IGSF21: variants seen among roughly 807,000 people sequenced by gnomAD.
IGSF21 encodes the protein immunoglobulin superfamily member 21.
Under a neutral mutation model 46.8 loss-of-function variants are expected in IGSF21, and 28 were observed. The observed-to-expected ratio is 0.60, with a 90% confidence interval of 0.44 to 0.82. The LOEUF (loss-of-function observed/expected upper bound fraction) is 0.82, where lower values mean the gene tolerates loss of function less well. IGSF21 is among the 40% of genes least tolerant of loss of function. The pLI, the probability that IGSF21 is intolerant of heterozygous loss-of-function variation, is 0.00. For synonymous variants in IGSF21, 284 were observed against 273.6 expected, an observed-to-expected ratio of 1.04 and a Z score of -0.38; for missense variants, 624 against 665.5, an observed-to-expected ratio of 0.94 and a Z score of 0.69.
intron 2 of IGSF21, among the ~76,000 whole-genome samples, chr1:18,287,584 A>G (rs1226588377): frequency 1.3e-5 from 2 of 152,170 alleles, no homozygotes; most frequent in African/African-American, 4.8e-5. Flanking sequence ...ACACATCCAC[A>G]GGGCTTGGCT....
chr1:18,155,776 C>G (rs1422319788), intron 1 of IGSF21, among the ~76,000 whole-genome samples: 5 of 152,222 alleles, frequency 3.3e-5, no homozygotes, highest in Non-Finnish European at 1.5e-5. Flanking sequence ...GCCAGCACCC[C>G]ACTCTGTTGA....
intron 6 of IGSF21, among the ~76,000 whole-genome samples, chr1:18,367,516 AG>A: frequency 6.6e-6 from 1 of 151,130 alleles, no homozygotes; most frequent in Non-Finnish European, 1.5e-5. Context: ...TGAACTCACC[AG>A]CCCCAGGATG....
At chr1:18,300,846 G>T (rs933349051) in intron 3 of IGSF21, among the ~76,000 whole-genome samples, 1 of 152,092 alleles carries the variant, frequency 6.6e-6, no homozygotes, top group East Asian at 1.9e-4. Flanking sequence ...CCCTTTGTCA[G>T]GTCCCAGAGC....
intron 2 of IGSF21, among the ~76,000 whole-genome samples, chr1:18,232,263 C>G (rs1380573686): frequency 6.9e-6 from 1 of 145,838 alleles, no homozygotes; most frequent in Non-Finnish European, 1.5e-5. Context: ...CAGTAGGAGG[C>G]TGTCAGCTAA....
Position 18,290,972 on chromosome 1 carries a change from A to T in IGSF21, c.184-894A>T, listed in dbSNP as rs1007831905. On this transcript the variant is annotated intron_variant, in intron 2 of 9. Transcript: ENST00000251296. This position sits in a 1 kb window ranked among gnomAD's most constrained non-coding sequence, Gnocchi z 4.2. ...GAGCTGCGAGAGGCTGCAAGCTCCC[A>T]GTCTATAATAGAGTTGCTGAGACAA... 3.9e-5 allele frequency among the ~76,000 whole-genome samples: 6 copies of T among 152,184 alleles called. No homozygotes were observed. Among genetic ancestry groups the T allele is most frequent in the African/African-American group, 1.4e-4 (6 of 41,448 alleles).
In IGSF21 at chr1:18,249,659, G is replaced by A. The variant is rs1302253431; in HGVS notation, c.183+21649G>A. ...GTGCCTATAAATCTCTCTGGTTGGG[G>A]CCAGAGGAATGGCCCAGAGCCATGC... On this transcript the variant is annotated intron_variant, in intron 2 of 9. Transcript: ENST00000251296. Among the ~76,000 whole-genome samples the A allele has an allele frequency of 2.0e-5, 3 of 152,180 alleles. No homozygotes were observed. The East Asian group carries it at 5.8e-4, about 29-fold the overall frequency.
rs530759784 is a variant in IGSF21, at chr1:18,120,234, G to C, written c.70+12036G>C. 2.6e-3 allele frequency among the ~76,000 whole-genome samples: 395 copies of C among 152,328 alleles called. 2 individuals carry two copies. Among genetic ancestry groups the C allele is most frequent in the Non-Finnish European group, 5.0e-3 (337 of 68,024 alleles). ...GGCACTTTCTACCTATAGCTTGGAG[G>C]AGTAGATGTAACCAGAAAGCAGGCT... On this transcript the variant is annotated intron_variant, in intron 1 of 9. Transcript: ENST00000251296.
chr1:18,242,055 A>G (rs1258280846), intron 2 of IGSF21, among the ~76,000 whole-genome samples: 3 of 151,916 alleles, frequency 2.0e-5, no homozygotes, highest in Non-Finnish European at 4.4e-5. Flanking sequence ...GGCTGTCCTC[A>G]TCATCACCCT....
chr1:18,156,694 T>C (rs74055915), intron 1 of IGSF21, among the ~76,000 whole-genome samples: 390 of 152,330 alleles, frequency 2.6e-3, no homozygotes, highest in African/African-American at 9.1e-3. Flanking sequence ...TCCAAACAAG[T>C]TGAGCTGCCA....
intron 1 of IGSF21, among the ~76,000 whole-genome samples, chr1:18,191,797 G>T (rs1306066102): frequency 2.6e-5 from 4 of 152,158 alleles, no homozygotes; most frequent in Non-Finnish European, 5.9e-5. Flanking sequence ...GCGTTCTGAG[G>T]CTCAGATCTG....
intron 1 of IGSF21, among the ~76,000 whole-genome samples, chr1:18,149,453 C>T (rs975165665): frequency 6.6e-6 from 1 of 152,146 alleles, no homozygotes; most frequent in African/African-American, 2.4e-5. Flanking sequence ...GTGTCAATAC[C>T]GTGAATGCTG....
In IGSF21 at chr1:18,335,132, T is replaced by A; in HGVS notation, c.424+122T>A. 2.7e-6 allele frequency: 2 copies of A among 747,346 alleles called. No homozygotes were observed. The highest frequency in any genetic ancestry group is 2.3e-6 in the Non-Finnish European group (1 of 436,016). 46.3% of individuals were successfully genotyped at this position (747,346 alleles called of 1,614,324 possible). On this transcript the variant is annotated intron_variant, in intron 4 of 9. Transcript: ENST00000251296. The surrounding 1 kb of genome is among the most constrained non-coding windows in gnomAD (Gnocchi z 4.8). ...TCCACCAGAAGTTCTGTTGTGCTGG[T>A]GTCTTCCCTTTCCTGCTCTTGTTGT...
chr1:18,189,602 CT>C (rs1406388146), intron 1 of IGSF21, among the ~76,000 whole-genome samples: 1 of 151,644 alleles, frequency 6.6e-6, no homozygotes, highest in Non-Finnish European at 1.5e-5. Context: ...ACTGGGGGTG[CT>C]GGGAGACAGT....
chr1:18,243,169 C>T (rs1173947246), intron 2 of IGSF21, among the ~76,000 whole-genome samples: 5 of 152,166 alleles, frequency 3.3e-5, no homozygotes, highest in East Asian at 3.9e-4. Context: ...CATCATCATT[C>T]GATTTTAGGA....
chr1:18,281,116 T>TGAAA (rs1557622725), intron 2 of IGSF21, among the ~76,000 whole-genome samples: 1 of 91,752 alleles, frequency 1.1e-5, no homozygotes, highest in African/African-American at 4.8e-5. Flanking sequence ...AATGAAGAAA[T>TGAAA]GAACGAATGA....
In IGSF21 at chr1:18,190,665, T is replaced by C. The variant is rs57762137; in HGVS notation, c.71-37233T>C. Among the ~76,000 whole-genome samples, 1,445 of 152,300 alleles carry C rather than the reference T, an allele frequency of 9.5e-3. 24 individuals are homozygous for C. The highest frequency in any genetic ancestry group is 0.033 in the African/African-American group (1,382 of 41,570). On this transcript the variant is annotated intron_variant, in intron 1 of 9. Coordinates refer to ENST00000251296, the MANE Select transcript of IGSF21 (RefSeq NM_032880.5). ...CCTCAGACTTCATCTCTGGTCCCTC[T>C]TTCTTTCCCTGCAGGGTGCTCAGTG...
At chr1:18,283,409 C>A (rs2085181809) in intron 2 of IGSF21, among the ~76,000 whole-genome samples, 1 of 152,178 alleles carries the variant, frequency 6.6e-6, no homozygotes. Flanking sequence ...TTCCCCCAGG[C>A]CCCCTTGGGG....
intron 1 of IGSF21, among the ~76,000 whole-genome samples, chr1:18,165,035 G>T (rs10796441): frequency 0.34 from 51,591 of 151,534 alleles, 9,117 homozygotes; most frequent in East Asian, 0.47. Flanking sequence ...GTTTCCAGCT[G>T]CATCCATGTC....
chr1:18,350,322 G>C (rs919363994), intron 4 of IGSF21, among the ~76,000 whole-genome samples: 18 of 152,172 alleles, frequency 1.2e-4, no homozygotes, highest in African/African-American at 4.3e-4. Context: ...GGGAACAAAA[G>C]TGCATTCGAG....
Sources: gnomAD v4.1 joint callset for allele counts (sites outside exome capture counted in the v4.1 genomes callset) on GRCh38, gnomAD v4.1.1 for gene constraint, Gnocchi (gnomAD v3.1) non-coding constraint, MANE v1.5 for transcripts, NCBI Gene and HGNC (gene_info 2026-07-23, HGNC 2026-07-21) for gene names.